The following TRIO variants were observed in gnomAD, a reference collection of about 807,000 sequenced individuals.
The protein encoded by TRIO is trio Rho guanine nucleotide exchange factor, also known as triple functional domain protein.
In TRIO, 58 loss-of-function variants were observed where a neutral mutation model predicts 351.9. The ratio of observed to expected loss-of-function variants is 0.16; its 90% confidence interval spans 0.13 to 0.21. The LOEUF (loss-of-function observed/expected upper bound fraction) is 0.21, where lower values mean the gene tolerates loss of function less well. TRIO is among the 10% of genes least tolerant of loss of function. The pLI is 1.00. For missense variants in TRIO, 3,201 were observed against 4,027.8 expected (o/e 0.79, Z 5.56); for synonymous variants, 1,758 against 1,595.7 (o/e 1.10, Z -2.42).
intron 1 of TRIO, among the ~76,000 whole-genome samples, chr5:14,233,297 A>G (rs1321496901): frequency 7.1e-6 from 1 of 141,838 alleles, no homozygotes; most frequent in African/African-American, 2.7e-5. Flanking sequence ...CCTAGGCAAC[A>G]TGGCGAGACC....
chr5:14,339,868 G>A (rs1292081491), intron 11 of TRIO, among the ~76,000 whole-genome samples: 1 of 152,138 alleles, frequency 6.6e-6, no homozygotes, highest in Non-Finnish European at 1.5e-5. Flanking sequence ...TTTTGAAGCT[G>A]GTTATTGAAT....
intron 1 of TRIO, among the ~76,000 whole-genome samples, chr5:14,203,008 A>G (rs534103612): frequency 2.0e-4 from 31 of 152,150 alleles, no homozygotes; most frequent in Admixed American, 1.7e-3. Context: ...AGAAATGATA[A>G]GCTATTATCG....
Position 14,504,569 on chromosome 5 carries a change from C to G in TRIO, c.8588C>G (p.Thr2863Ser). 6.2e-7 allele frequency: 1 copy of G among 1,614,134 alleles called. No homozygotes were observed. Among genetic ancestry groups the G allele is most frequent in the Non-Finnish European group, 8.5e-7 (1 of 1,180,032 alleles). ...CTCCTCGACACCTTTGAGACCCCCA[C>G]CAGCTACATCCTGGTCTTAGAAATG... is the stretch of plus-strand genomic sequence containing the variant. ...VGLLDTFETP[T>S]SYILVLEMAD... Residue 2863 changes from threonine to serine, a missense_variant, in exon 55 of 57, where the codon ACC becomes AGC. Transcript: ENST00000344204.
At chr5:14,292,359 G>T (rs1464982735) in intron 5 of TRIO, among the ~76,000 whole-genome samples, 1 of 152,200 alleles carries the variant, frequency 6.6e-6, no homozygotes, top group African/African-American at 2.4e-5. Flanking sequence ...AGTCATGGTA[G>T]CAATGCTAAT....
At chr5:14,361,291 A>G (rs942485652) in intron 13 of TRIO, among the ~76,000 whole-genome samples, 1 of 152,226 alleles carries the variant, frequency 6.6e-6, no homozygotes, top group Non-Finnish European at 1.5e-5. Flanking sequence ...ATTGAACCAG[A>G]TTAGGAAACA....
chr5:14,376,645 C>G (rs1745586331), intron 19 of TRIO, among the ~76,000 whole-genome samples: 1 of 152,226 alleles, frequency 6.6e-6, no homozygotes, highest in South Asian at 2.1e-4. Flanking sequence ...ACCTGTCTCT[C>G]AATTGATGGG....
intron 31 of TRIO, among the ~76,000 whole-genome samples, chr5:14,403,769 G>GT (rs1255081610): frequency 3.9e-5 from 5 of 128,178 alleles, no homozygotes; most frequent in Non-Finnish European, 6.4e-5. Flanking sequence ...GGTGGTGAGG[G>GT]TGTAGGTTGT....
chr5:14,378,009 C>G lies in TRIO; in HGVS notation c.3332-3C>G. On this transcript the variant is annotated splice_polypyrimidine_tract_variant and splice_region_variant and intron_variant, in intron 19 of 56. Coordinates refer to ENST00000344204, the MANE Select transcript of TRIO (RefSeq NM_007118.4). ...ACATACATCATTTTCTTTTTTCTCT[C>G]AGATATCTTGAATGAACTCTTCCAA... 1 of 1,606,344 alleles carries G rather than the reference C, an allele frequency of 6.2e-7. No homozygotes were observed. Among genetic ancestry groups the G allele is most frequent in the Middle Eastern group, 1.7e-4 (1 of 6,058 alleles).
Position 14,374,579 on chromosome 5 carries a change from CAG to C in TRIO, c.3331+237_3331+238del, listed in dbSNP as rs373820750. Among the ~76,000 whole-genome samples, 75 of 152,040 alleles carry C rather than the reference CAG, an allele frequency of 4.9e-4. No homozygotes were observed. In the East Asian group the frequency reaches 0.01, roughly 21 times the overall value. On this transcript the variant is annotated intron_variant, in intron 19 of 56. Transcript: ENST00000344204. Reference sequence around the variant, plus strand: ...TATTGAATAAGTTGAAGAATATAAACAGGGAGAAAATGCAAATTCAGGATGAT... The same window carrying C: ...TATTGAATAAGTTGAAGAATATAAACGGAGAAAATGCAAATTCAGGATGAT...
intron 8 of TRIO, among the ~76,000 whole-genome samples, chr5:14,313,192 T>C (rs567244467): frequency 2.6e-5 from 4 of 152,318 alleles, no homozygotes; most frequent in African/African-American, 7.2e-5. Flanking sequence ...ACAGTACCAG[T>C]GGTGGGACCA....
intron 11 of TRIO, among the ~76,000 whole-genome samples, chr5:14,349,188 G>A (rs1487660741): frequency 6.7e-6 from 1 of 148,464 alleles, no homozygotes; most frequent in African/African-American, 2.5e-5. Flanking sequence ...TTTTTCCTGT[G>A]TGTATATGTG....
chr5:14,374,453 T>A, intron 19 of TRIO, 110 bp downstream of exon 19: 1 of 687,372 alleles, frequency 1.5e-6, no homozygotes, highest in Non-Finnish European at 2.4e-6. Flanking sequence ...ATTTTAAATG[T>A]CCGTTTCATG....
At chr5:14,356,875 A>AC (rs397775300) in intron 11 of TRIO, among the ~76,000 whole-genome samples, 2 of 151,704 alleles carry the variant, frequency 1.3e-5, no homozygotes, top group African/African-American at 4.9e-5. Flanking sequence ...AGAAAAAAAA[A>AC]GAGTACATAC....
At chr5:14,293,477 C>G (rs994088239) in intron 6 of TRIO, among the ~76,000 whole-genome samples, 1 of 152,192 alleles carries the variant, frequency 6.6e-6, no homozygotes, top group African/African-American at 2.4e-5. Flanking sequence ...CAGTGAGTCC[C>G]CCAGACGGAG....
At chr5:14,375,007 A>G (rs751147153) in intron 19 of TRIO, among the ~76,000 whole-genome samples, 6 of 152,184 alleles carry the variant, frequency 3.9e-5, no homozygotes, top group Non-Finnish European at 8.8e-5. Flanking sequence ...AGGAAAAAAA[A>G]TTGTGATAAT....
intron 25 of TRIO, 118 bp from the exon 26 acceptor site, chr5:14,390,113 A>C: frequency 2.4e-6 from 2 of 834,876 alleles, no homozygotes; most frequent in Non-Finnish European, 3.8e-6. Flanking sequence ...ACCCTAGTTA[A>C]GAGCTACATG....
chr5:14,287,373 C>T (rs530298703), intron 4 of TRIO, among the ~76,000 whole-genome samples: 11 of 152,174 alleles, frequency 7.2e-5, no homozygotes, highest in Admixed American at 5.2e-4. Context: ...ACAGCTTTAC[C>T]AGGCAGCACT....
At chr5:14,156,590 A>T (rs1388788709) in intron 1 of TRIO, among the ~76,000 whole-genome samples, 1 of 152,164 alleles carries the variant, frequency 6.6e-6, no homozygotes, top group Non-Finnish European at 1.5e-5. Context: ...CCGTATTTGT[A>T]ATTCCCTTCT....
At position 14,421,518 on chromosome 5, in the gene TRIO, C is replaced by T. The variant is rs76189074; in HGVS notation, c.5203+1497C>T. Among the ~76,000 whole-genome samples, 1,136 of 150,534 alleles carry T rather than the reference C, an allele frequency of 7.5e-3. 12 individuals are homozygous for T. The highest frequency in any genetic ancestry group is 0.011 in the Non-Finnish European group (761 of 67,844). On this transcript the variant is annotated intron_variant, in intron 34 of 56. Transcript: ENST00000344204. ...ACTCGAGAGGCTGAGGCAGGAAAAT[C>T]GCTTGGACCCAGGAGGCAGAGGTTG...
Sources: allele counts gnomAD v4.1 joint callset (sites outside exome capture counted in the v4.1 genomes callset), GRCh38; gene constraint gnomAD v4.1.1; transcripts MANE v1.5; gene names NCBI Gene and HGNC (gene_info 2026-07-23, HGNC 2026-07-21).